The following HIF1AN variants were observed in gnomAD, a reference collection of about 807,000 sequenced individuals.
HIF1AN encodes the protein hypoxia inducible factor 1 subunit alpha inhibitor.
HIF1AN carries 21 observed loss-of-function variants against 47.7 expected under a neutral mutation model. The observed-to-expected ratio is 0.44, with a 90% confidence interval of 0.31 to 0.63. The LOEUF (loss-of-function observed/expected upper bound fraction) is 0.63, where lower values mean the gene tolerates loss of function less well. HIF1AN is among the 30% of genes least tolerant of loss of function. The pLI, the probability that HIF1AN is intolerant of heterozygous loss-of-function variation, is 0.07. For synonymous variants in HIF1AN, 152 were observed against 155.9 expected, an observed-to-expected ratio of 0.98 and a Z score of 0.18; for missense variants, 320 against 432.7, an observed-to-expected ratio of 0.74 and a Z score of 2.31.
In HIF1AN at chr10:100,554,067, G is replaced by T. The variant is rs369697335; in HGVS notation, c.*5930G>T. 1 of 152,162 alleles carries T rather than the reference G, an allele frequency of 6.6e-6. No individual in the cohort carries two copies. Among genetic ancestry groups the T allele is most frequent in the African/African-American group, 2.4e-5 (1 of 41,434 alleles). 9.4% of individuals were successfully genotyped at this position (152,162 alleles called of 1,614,324 possible). ...AGTTGAGGGTAGACAGAAGAGTCTAGTACCTAAACTCACCCTAGAGGAAGA... is the reference window on the plus strand; with the variant it reads ...AGTTGAGGGTAGACAGAAGAGTCTATTACCTAAACTCACCCTAGAGGAAGA... On this transcript the variant is annotated 3_prime_UTR_variant, in exon 8 of 8. Transcript: ENST00000299163.
chr10:100,553,612 G>A lies in HIF1AN; in HGVS notation c.*5475G>A, dbSNP rs1243234207. 6.6e-6 allele frequency: 1 copy of A among 152,214 alleles called. No individual in the cohort carries two copies. Among genetic ancestry groups the A allele is most frequent in the African/African-American group, 2.4e-5 (1 of 41,458 alleles). 9.4% of individuals were successfully genotyped at this position (152,214 alleles called of 1,614,324 possible). A position where few individuals can be genotyped will look rare whatever the true frequency, so the allele number is the denominator to read the frequency against. On this transcript the variant is annotated 3_prime_UTR_variant, in exon 8 of 8. Coordinates refer to ENST00000299163, the MANE Select transcript of HIF1AN (RefSeq NM_017902.3). ...CACTGAAAATCTATTCTCATATTTT[G>A]GGAAGGAGCATATGTCCTTTAACTT...
Position 100,550,981 on chromosome 10 carries a change from G to A in HIF1AN, c.*2844G>A, listed in dbSNP as rs186210118. 1 of 152,266 alleles carries A rather than the reference G, an allele frequency of 6.6e-6. No homozygotes were observed. Among genetic ancestry groups the A allele is most frequent in the Non-Finnish European group, 1.5e-5 (1 of 68,072 alleles). 9.4% of individuals were successfully genotyped at this position (152,266 alleles called of 1,614,324 possible). A position where few individuals can be genotyped will look rare whatever the true frequency, so the allele number is the denominator to read the frequency against. On this transcript the variant is annotated 3_prime_UTR_variant, in exon 8 of 8. Coordinates refer to ENST00000299163, the MANE Select transcript of HIF1AN (RefSeq NM_017902.3). ...TTGTTTACCTCCATCCTAGCTGGCA[G>A]TGTGGGACACACACATACAGCAAGT... is the stretch of plus-strand genomic sequence containing the variant.
rs947255948 is a variant in HIF1AN, at chr10:100,548,492, A to G, written c.*355A>G. ...CGTGTGTGTGCATGCACACGCATGT[A>G]TGTATCTGTTCCCTGTTCCTTCTGG... On this transcript the variant is annotated 3_prime_UTR_variant, in exon 8 of 8. Transcript: ENST00000299163. The G allele has an allele frequency of 2.3e-5, 5 of 217,024 alleles. No individual in the cohort carries two copies. The highest frequency in any genetic ancestry group is 2.1e-4 in the Admixed American group (4 of 19,264). The allele number at this position is 217,024 out of a possible 1,614,324, so 13.4% of individuals were successfully genotyped here.
At chr10:100,542,130 CA>C (rs892151506) in intron 3 of HIF1AN, among the ~76,000 whole-genome samples, 276 of 133,006 alleles carry the variant, frequency 2.1e-3, no homozygotes, top group African/African-American at 2.1e-3. Flanking sequence ...TTTTTATTGC[CA>C]AAAAAAAAAA....
rs772388016 is a variant in HIF1AN, at chr10:100,556,291, A to G, written c.*8154A>G. 1 of 152,166 alleles carries G rather than the reference A, an allele frequency of 6.6e-6. No homozygotes were observed. The highest frequency in any genetic ancestry group is 2.4e-5 in the African/African-American group (1 of 41,426). 9.4% of individuals were successfully genotyped at this position (152,166 alleles called of 1,614,324 possible). A position where few individuals can be genotyped will look rare whatever the true frequency, so the allele number is the denominator to read the frequency against. On this transcript the variant is annotated 3_prime_UTR_variant, in exon 8 of 8. Transcript: ENST00000299163. ...TGACCTTCCAAAAATATTTTTAACA[A>G]TACTAAAAATACCTGAAACATACTG...
rs1843222462 is a variant in HIF1AN at position 100,557,299 on chromosome 10, T to C, written c.*9162T>C. The C allele has an allele frequency of 6.6e-6, 1 of 152,218 alleles. No individual in the cohort carries two copies. The highest frequency in any genetic ancestry group is 1.5e-5 in the Non-Finnish European group (1 of 68,058). The allele number at this position is 152,218 out of a possible 1,614,324, so 9.4% of individuals were successfully genotyped here. ...CACAGGCTGGGTGCCTTTGGGGGTGTTCATCTCGCTATGCTTCGGTCCCCT... is the reference window on the plus strand; with the variant it reads ...CACAGGCTGGGTGCCTTTGGGGGTGCTCATCTCGCTATGCTTCGGTCCCCT... On this transcript the variant is annotated 3_prime_UTR_variant, in exon 8 of 8. Transcript: ENST00000299163.
chr10:100,538,377 C>A (rs749679280), intron 2 of HIF1AN, among the ~76,000 whole-genome samples: 2 of 152,130 alleles, frequency 1.3e-5, no homozygotes, highest in African/African-American at 2.4e-5. Context: ...CTGGTGTAAT[C>A]ATAATATTGT....
chr10:100,543,283 A>G (rs976857332), intron 3 of HIF1AN, among the ~76,000 whole-genome samples: 4 of 151,964 alleles, frequency 2.6e-5, no homozygotes, highest in African/African-American at 9.7e-5. Context: ...TTGACCTCCC[A>G]GTCTCAAACG....
intron 2 of HIF1AN, among the ~76,000 whole-genome samples, chr10:100,540,301 C>T (rs1485549818): frequency 6.6e-6 from 1 of 152,048 alleles, no homozygotes; most frequent in Non-Finnish European, 1.5e-5. Flanking sequence ...TGTCTCACAC[C>T]TGTAATCCCA....
chr10:100,545,050 G>A lies in HIF1AN; in HGVS notation c.677G>A (p.Cys226Tyr), dbSNP rs751473861. The A allele has an allele frequency of 1.4e-5, 22 of 1,614,214 alleles. No homozygotes were observed. Among genetic ancestry groups the A allele is most frequent in the Non-Finnish European group, 1.9e-5 (22 of 1,180,040 alleles). Residue 226 changes from cysteine to tyrosine, a missense_variant, in exon 4 of 8, where the codon TGC (cysteine) becomes TAC (tyrosine). Transcript: ENST00000299163. ...TTATTCCCTCCGGATCAGTTCGAGT[G>A]CCTCTACCCATACCCTGTTCATCAC... ...CILFPPDQFE[C>Y]LYPYPVHHPC...
rs1456708207 is a variant in HIF1AN at position 100,545,419 on chromosome 10, A to G, written c.723+323A>G. ...AATGTGTATGTCTCCATTGGATTTA[A>G]TCATTGTTTGCTTTTGTCATGGATG... On this transcript the variant is annotated intron_variant, in intron 4 of 7. Coordinates refer to ENST00000299163, the MANE Select transcript of HIF1AN (RefSeq NM_017902.3). 5 of 285,194 alleles carry G rather than the reference A, an allele frequency of 1.8e-5. No individual in the cohort carries two copies. In the East Asian group the frequency reaches 2.6e-4, roughly 15 times the overall value. The allele number at this position is 285,194 out of a possible 1,614,324, so 17.7% of individuals were successfully genotyped here. A position where few individuals can be genotyped will look rare whatever the true frequency, so the allele number is the denominator to read the frequency against.
At chr10:100,547,550 T>C (rs1240855303) in intron 7 of HIF1AN, among the ~76,000 whole-genome samples, 2 of 152,170 alleles carry the variant, frequency 1.3e-5, no homozygotes, top group Admixed American at 6.5e-5. Flanking sequence ...CCTTGCACTT[T>C]CCCAGCTGTG....
intron 6 of HIF1AN, among the ~76,000 whole-genome samples, 154 bp from the exon 7 acceptor site, chr10:100,546,986 C>CG (rs1224568241): frequency 6.6e-6 from 1 of 152,088 alleles, no homozygotes; most frequent in African/African-American, 2.4e-5. Flanking sequence ...GTGATCCACC[C>CG]GCCTCGGCCT....
Position 100,550,226 on chromosome 10 carries a change from C to A in HIF1AN, c.*2089C>A, listed in dbSNP as rs1843144112. The A allele has an allele frequency of 6.6e-6, 1 of 152,238 alleles. No individual in the cohort carries two copies. The highest frequency in any genetic ancestry group is 2.4e-5 in the African/African-American group (1 of 41,450). 9.4% of individuals were successfully genotyped at this position (152,238 alleles called of 1,614,324 possible). A position where few individuals can be genotyped will look rare whatever the true frequency, so the allele number is the denominator to read the frequency against. ...GAGTTATTTGCTGACACAGGTCTCA[C>A]TAAGGTGGCTGAGGGGTGGGAGGGA... is the stretch of plus-strand genomic sequence containing the variant. On this transcript the variant is annotated 3_prime_UTR_variant, in exon 8 of 8. Transcript: ENST00000299163.
chr10:100,548,027 A>G, intron 7 of HIF1AN, 66 bp from the exon 8 acceptor site: 1 of 1,467,730 alleles, frequency 6.8e-7, no homozygotes, highest in Non-Finnish European at 9.5e-7. Context: ...GTCTCCAGAC[A>G]CACCCTGTCC....
chr10:100,540,343 T>A (rs373461939), intron 2 of HIF1AN, among the ~76,000 whole-genome samples: 39 of 152,222 alleles, frequency 2.6e-4, no homozygotes, highest in African/African-American at 6.7e-4. Context: ...GGAGGATTGC[T>A]TGAGCCCAAG....
intron 7 of HIF1AN, 117 bp downstream of exon 7, chr10:100,547,367 G>C (rs1009157590): frequency 6.1e-6 from 4 of 653,006 alleles, no homozygotes; most frequent in African/African-American, 5.5e-5. Context: ...TCTCCATAGA[G>C]GTTATGGGTA....
Position 100,545,057 on chromosome 10 carries a change from C to T in HIF1AN, c.684C>T (p.Tyr228=). Residue 228 remains tyrosine, a synonymous_variant, in exon 4 of 8, where the codon TAC becomes TAT. Coordinates refer to ENST00000299163, the MANE Select transcript of HIF1AN (RefSeq NM_017902.3). ...LFPPDQFECL[Y]PYPVHHPCDR... ...CTCCGGATCAGTTCGAGTGCCTCTACCCATACCCTGTTCATCACCCATGTG... is the reference window on the plus strand; with the variant it reads ...CTCCGGATCAGTTCGAGTGCCTCTATCCATACCCTGTTCATCACCCATGTG... The T allele has an allele frequency of 6.2e-7, 1 of 1,614,204 alleles. No homozygotes were observed. Among genetic ancestry groups the T allele is most frequent in the South Asian group, 1.1e-5 (1 of 91,092 alleles).
intron 7 of HIF1AN, 62 bp downstream of exon 7, chr10:100,547,312 C>A (rs1265145782): frequency 2.1e-6 from 2 of 970,372 alleles, no homozygotes; most frequent in Non-Finnish European, 3.3e-6. Flanking sequence ...AGGATCAGAG[C>A]GACATTCTTT....
Sources: gnomAD v4.1 joint callset for allele counts (sites outside exome capture counted in the v4.1 genomes callset) on GRCh38, gnomAD v4.1.1 for gene constraint, MANE v1.5 for transcripts, NCBI Gene and HGNC (gene_info 2026-07-23, HGNC 2026-07-21) for gene names.